The following GRM8 variants were observed in gnomAD, a reference collection of about 807,000 sequenced individuals.
GRM8 encodes glutamate metabotropic receptor 8, also known as metabotropic glutamate receptor 8.
GRM8 carries 47 observed loss-of-function variants against 87.2 expected under a neutral mutation model. That is an observed-to-expected ratio of 0.54 (90% CI 0.43 to 0.69). The LOEUF (loss-of-function observed/expected upper bound fraction) is 0.69. Among genes scored for constraint, GRM8 ranks in the 30% least tolerant of loss-of-function variants. The pLI, the probability that GRM8 is intolerant of heterozygous loss-of-function variation, is 0.00. For synonymous variants in GRM8, 396 were observed against 404.5 expected, an observed-to-expected ratio of 0.98 and a Z score of 0.25; for missense variants, 1,019 against 1,139.2, an observed-to-expected ratio of 0.89 and a Z score of 1.52.
chr7:127,251,447 C>A (rs569245942), intron 1 of GRM8, among the ~76,000 whole-genome samples: 14 of 152,280 alleles, frequency 9.2e-5, no homozygotes, highest in African/African-American at 3.4e-4. Context: ...CATGGCTGAG[C>A]GGTCCATCTC....
intron 2 of GRM8, among the ~76,000 whole-genome samples, chr7:127,191,832 C>T (rs1283529864): frequency 6.6e-6 from 1 of 152,136 alleles, no homozygotes; most frequent in African/African-American, 2.4e-5. Context: ...TGAAGAATTT[C>T]TGACAAGCTT....
intron 3 of GRM8, among the ~76,000 whole-genome samples, chr7:127,063,252 A>AAAGC (rs1820794226): frequency 1.3e-5 from 2 of 149,956 alleles, no homozygotes; most frequent in South Asian, 4.3e-4. Context: ...GACTCCATCA[A>AAAGC]AAACAAACAA....
In GRM8 at chr7:126,730,114, T is replaced by C. The variant is rs1448377332; in HGVS notation, c.1357+39751A>G. ...TAAAGAAGTAATGTAAGAGTAATGT[T>C]TGAGTGTCTTCTATTCAGATCAGAC... is the stretch of plus-strand genomic sequence containing the variant. On this transcript the variant is annotated intron_variant, in intron 7 of 10. Coordinates refer to ENST00000339582, the MANE Select transcript of GRM8 (RefSeq NM_000845.3). Among the ~76,000 whole-genome samples the C allele has an allele frequency of 2.6e-5, 4 of 152,132 alleles. No homozygotes were observed. The East Asian group carries it at 7.7e-4, about 29-fold the overall frequency.
intron 1 of GRM8, among the ~76,000 whole-genome samples, chr7:127,251,512 C>T (rs558151654): frequency 1.2e-4 from 18 of 152,236 alleles, no homozygotes; most frequent in African/African-American, 3.9e-4. Flanking sequence ...CGCCAGGAGC[C>T]CCTGTTTCCC....
At chr7:126,505,676 C>T (rs1810348542) in intron 9 of GRM8, among the ~76,000 whole-genome samples, 1 of 151,960 alleles carries the variant, frequency 6.6e-6, no homozygotes, top group Admixed American at 6.6e-5. Context: ...TTTTAATCTG[C>T]TTTTTAAGAA....
chr7:126,802,680 A>G (rs1331000736), intron 6 of GRM8, among the ~76,000 whole-genome samples: 1 of 152,112 alleles, frequency 6.6e-6, no homozygotes, highest in Non-Finnish European at 1.5e-5. Context: ...CTTCCAGAAT[A>G]CTCCATCAGA....
rs1233084733 is a variant in GRM8, at chr7:127,252,104, T to A, written c.-312+693A>T. 2.0e-5 allele frequency: 3 copies of A among 152,078 alleles called. No homozygotes were observed. The highest frequency in any genetic ancestry group is 4.4e-5 in the Non-Finnish European group (3 of 68,102). The allele number at this position is 152,078 out of a possible 1,614,324, so 9.4% of individuals were successfully genotyped here. On this transcript the variant is annotated intron_variant, in intron 1 of 10. Coordinates refer to ENST00000339582, the MANE Select transcript of GRM8 (RefSeq NM_000845.3). The surrounding 1 kb of genome is among the most constrained non-coding windows in gnomAD (Gnocchi z 4.9). ...AGCCGCTAACTTCAGAAATCCCTCC[T>A]GTTAGGTTCGCGAAACGAAGGTACC...
chr7:126,772,615 G>A (rs998504239), intron 6 of GRM8, among the ~76,000 whole-genome samples: 2 of 151,996 alleles, frequency 1.3e-5, no homozygotes, highest in African/African-American at 2.4e-5. Context: ...TACCACTATA[G>A]ATCTATTGTT....
At chr7:126,567,584 G>C (rs535257367) in intron 8 of GRM8, among the ~76,000 whole-genome samples, 1 of 152,106 alleles carries the variant, frequency 6.6e-6, no homozygotes, top group Admixed American at 6.6e-5. Flanking sequence ...TAGATTTCAT[G>C]TTAAGTGTTT....
chr7:126,689,200 T>C (rs949133636), intron 7 of GRM8, among the ~76,000 whole-genome samples: 1 of 152,106 alleles, frequency 6.6e-6, no homozygotes, highest in Non-Finnish European at 1.5e-5. Flanking sequence ...GCTTCAGGAA[T>C]GTGTGCCTCT....
chr7:127,181,050 A>G (rs1314673824), intron 2 of GRM8, among the ~76,000 whole-genome samples: 1 of 152,082 alleles, frequency 6.6e-6, no homozygotes, highest in East Asian at 1.9e-4. Flanking sequence ...GAGAAAGTCA[A>G]ACTGTCACTG....
intron 8 of GRM8, among the ~76,000 whole-genome samples, chr7:126,589,115 T>C (rs924044103): frequency 8.5e-5 from 13 of 152,146 alleles, no homozygotes; most frequent in Admixed American, 6.6e-4. Context: ...CAAAATTTCT[T>C]GGACAGAACT....
intron 2 of GRM8, among the ~76,000 whole-genome samples, chr7:127,203,352 C>T (rs1795716209): frequency 6.6e-6 from 1 of 152,148 alleles, no homozygotes; most frequent in Admixed American, 6.5e-5. Flanking sequence ...GATTCAATCA[C>T]ACTCAAAACT....
At chr7:126,623,690 C>A (rs942828499) in intron 7 of GRM8, among the ~76,000 whole-genome samples, 1 of 152,154 alleles carries the variant, frequency 6.6e-6, no homozygotes, top group Non-Finnish European at 1.5e-5. Context: ...GTATGTGGAC[C>A]AACCAAAGAC....
At chr7:127,122,044 A>G (rs1451954596) in intron 2 of GRM8, among the ~76,000 whole-genome samples, 5 of 152,220 alleles carry the variant, frequency 3.3e-5, no homozygotes, top group Non-Finnish European at 7.3e-5. Flanking sequence ...TTCAGTTTTG[A>G]AGAGCAAATT....
At chr7:126,577,098 A>G (rs1012617311) in intron 8 of GRM8, among the ~76,000 whole-genome samples, 2 of 152,180 alleles carry the variant, frequency 1.3e-5, no homozygotes, top group Admixed American at 1.3e-4. Flanking sequence ...CTTGGCCATC[A>G]ATTCCTTAAA....
chr7:126,856,830 C>G (rs1036274046), intron 6 of GRM8, among the ~76,000 whole-genome samples: 1 of 152,192 alleles, frequency 6.6e-6, no homozygotes, highest in Non-Finnish European at 1.5e-5. Flanking sequence ...GACATATTAT[C>G]CACTGGAAGA....
intron 7 of GRM8, among the ~76,000 whole-genome samples, chr7:126,647,135 C>T (rs1803202769): frequency 6.6e-6 from 1 of 152,042 alleles, no homozygotes; most frequent in African/African-American, 2.4e-5. Context: ...TGCATGCGTG[C>T]AGTCCCAGCT....
chr7:126,468,081 A>C (rs1206599592), intron 9 of GRM8, among the ~76,000 whole-genome samples: 1 of 152,082 alleles, frequency 6.6e-6, no homozygotes, highest in Non-Finnish European at 1.5e-5. Flanking sequence ...GATAATGCAT[A>C]TGAAATTGCC....
Sources: gnomAD v4.1 joint callset for allele counts (sites outside exome capture counted in the v4.1 genomes callset) on GRCh38, gnomAD v4.1.1 for gene constraint, Gnocchi (gnomAD v3.1) non-coding constraint, MANE v1.5 for transcripts, NCBI Gene and HGNC (gene_info 2026-07-23, HGNC 2026-07-21) for gene names.